MAP3K21: variants seen among roughly 807,000 people sequenced by gnomAD.
The protein encoded by MAP3K21 is mitogen-activated protein kinase kinase kinase 21, also known as mitogen-activated protein kinase kinase kinase MLK4.
Under a neutral mutation model 86.1 loss-of-function variants are expected in MAP3K21, and 63 were observed. That is an observed-to-expected ratio of 0.73 (90% CI 0.60 to 0.90). The LOEUF is 0.90. Ranked by LOEUF, MAP3K21 falls within the 40% of genes least tolerant of loss-of-function variation. The pLI is 0.00. For missense variants in MAP3K21, 1,220 were observed against 1,367.7 expected, an observed-to-expected ratio of 0.89 and a Z score of 1.70; for synonymous variants, 558 against 564.8, an observed-to-expected ratio of 0.99 and a Z score of 0.17.
At chr1:233,352,252 A>T (rs934329347) in intron 2 of MAP3K21, among the ~76,000 whole-genome samples, 1 of 152,182 alleles carries the variant, frequency 6.6e-6, no homozygotes, top group South Asian at 2.1e-4. Flanking sequence ...TCCAATACAT[A>T]CAATGTGTGG....
chr1:233,339,401 C>CCTTCTTCTTCTCCTTCTT (rs1662990969), intron 1 of MAP3K21, among the ~76,000 whole-genome samples: 4 of 53,184 alleles, frequency 7.5e-5, no homozygotes, highest in African/African-American at 9.6e-5. Flanking sequence ...TCCTCCTTCT[C>CCTTCTTCTTCTCCTTCTT]CTCCTCCTCC....
chr1:233,339,392 C>T (rs376641900), intron 1 of MAP3K21, among the ~76,000 whole-genome samples: 10 of 76,800 alleles, frequency 1.3e-4, no homozygotes, highest in Admixed American at 5.7e-4. Flanking sequence ...TCCTTCTTCT[C>T]CTCCTTCTCC....
In MAP3K21 at chr1:233,359,761, C is replaced by A. The variant is rs556436366; in HGVS notation, c.1312-2292C>A. ...CCAGAGTGGCCTGTGCCAAGCAATT[C>A]AACAAATATTACTGCTAGTAATCTC... is the stretch of plus-strand genomic sequence containing the variant. On this transcript the variant is annotated intron_variant, in intron 4 of 9. Coordinates refer to ENST00000366624, the MANE Select transcript of MAP3K21 (RefSeq NM_032435.3). 5.4e-4 allele frequency among the ~76,000 whole-genome samples: 82 copies of A among 152,336 alleles called. No homozygotes were observed. The South Asian group carries it at 0.016, about 30-fold the overall frequency.
At chr1:233,358,059 GTT>G (rs528923468) in intron 4 of MAP3K21, among the ~76,000 whole-genome samples, 2 of 146,144 alleles carry the variant, frequency 1.4e-5, no homozygotes, top group African/African-American at 2.5e-5. Flanking sequence ...TGCCTGATGG[GTT>G]TTTTTTTTTT....
intron 1 of MAP3K21, among the ~76,000 whole-genome samples, chr1:233,330,624 G>A (rs966856073): frequency 5.3e-5 from 8 of 152,170 alleles, no homozygotes; most frequent in Admixed American, 5.2e-4. Flanking sequence ...CCTGCCTCTT[G>A]GCAGTTGCAG....
intron 5 of MAP3K21, among the ~76,000 whole-genome samples, chr1:233,368,715 C>T (rs774325944): frequency 1.2e-4 from 18 of 151,972 alleles, no homozygotes; most frequent in Non-Finnish European, 1.9e-4. Context: ...CTTTCCTTTC[C>T]GTTTGGTTTG....
At chr1:233,351,077 T>C (rs1475111686) in intron 2 of MAP3K21, among the ~76,000 whole-genome samples, 1 of 147,442 alleles carries the variant, frequency 6.8e-6, no homozygotes, top group Non-Finnish European at 1.5e-5. Context: ...TCTTTGAATT[T>C]AGACAATTTT....
chr1:233,369,995 G>A (rs539607991), intron 5 of MAP3K21, among the ~76,000 whole-genome samples: 1 of 152,240 alleles, frequency 6.6e-6, no homozygotes, highest in Non-Finnish European at 1.5e-5. Flanking sequence ...GCCTTTGAAG[G>A]ATTTTAAGCA....
intron 1 of MAP3K21, among the ~76,000 whole-genome samples, chr1:233,331,969 A>G (rs1462932988): frequency 6.6e-6 from 1 of 152,242 alleles, no homozygotes; most frequent in Non-Finnish European, 1.5e-5. Flanking sequence ...TCTGGATGCA[A>G]AATAAGTAGA....
In MAP3K21 at chr1:233,328,758, A is replaced by T; in HGVS notation, c.730A>T (p.Ile244Leu). 2 of 1,532,578 alleles carry T rather than the reference A, an allele frequency of 1.3e-6. No homozygotes were observed. Among genetic ancestry groups the T allele is most frequent in the South Asian group, 1.2e-5 (1 of 83,368 alleles). 94.9% of individuals were successfully genotyped at this position (1,532,578 alleles called of 1,614,324 possible). ...CGTGCTGGTCAACTGGGCCGTGCAG[A>T]TAGCGCGGGGCATGCTCTACCTGCA... ...PHVLVNWAVQ[I>L]ARGMLYLHEE... The change falls in exon 1 of 10, where the codon ATA becomes TTA. Residue 244 changes from isoleucine (I) to leucine (L), a missense_variant. Ile to Leu is a conservative substitution (Grantham distance 5). Transcript: ENST00000366624. The surrounding 1 kb of genome is among the most constrained non-coding windows in gnomAD (Gnocchi z 8.7).
chr1:233,332,970 T>C (rs368191811), intron 1 of MAP3K21, among the ~76,000 whole-genome samples: 73 of 144,438 alleles, frequency 5.1e-4, no homozygotes, highest in African/African-American at 1.7e-3. Context: ...CTTTTAGGAA[T>C]AATTATTATC....
intron 1 of MAP3K21, among the ~76,000 whole-genome samples, chr1:233,333,553 A>G (rs1308879829): frequency 6.6e-6 from 1 of 152,036 alleles, no homozygotes; most frequent in Admixed American, 6.6e-5. Context: ...GTTTGAGACC[A>G]GCTTGGGGAA....
At chr1:233,370,685 C>T (rs779043299) in intron 5 of MAP3K21, among the ~76,000 whole-genome samples, 1 of 152,064 alleles carries the variant, frequency 6.6e-6, no homozygotes, top group Non-Finnish European at 1.5e-5. Context: ...ACTCATTAAT[C>T]GTTGAGGAAT....
rs1662742672 is a variant in MAP3K21 at position 233,328,534 on chromosome 1, G to A, written c.506G>A (p.Arg169Gln). 6.5e-7 allele frequency: 1 copy of A among 1,532,696 alleles called. No homozygotes were observed. The highest frequency in any genetic ancestry group is 8.7e-7 in the Non-Finnish European group (1 of 1,150,736). The allele number at this position is 1,532,696 out of a possible 1,614,324, so 94.9% of individuals were successfully genotyped here. ...QDAAAAAESVRREARLFAMLR... is the reference protein window; with the variant it reads ...QDAAAAAESVQREARLFAMLR... ...GCGGCGGCGGCTGCCGAGAGCGTGCGGCGCGAGGCTCGGCTCTTCGCCATG... is the reference window on the plus strand; with the variant it reads ...GCGGCGGCGGCTGCCGAGAGCGTGCAGCGCGAGGCTCGGCTCTTCGCCATG... Residue 169 changes from arginine (R) to glutamine (Q), a missense_variant, in exon 1 of 10, where the codon CGG becomes CAG. Arg to Gln is a conservative substitution (Grantham distance 43). Transcript: ENST00000366624. The surrounding 1 kb of genome is among the most constrained non-coding windows in gnomAD (Gnocchi z 8.7).
intron 1 of MAP3K21, among the ~76,000 whole-genome samples, chr1:233,339,184 T>A (rs1662969194): frequency 2.0e-5 from 3 of 152,156 alleles, no homozygotes; most frequent in African/African-American, 7.2e-5. Context: ...CAATTATTTT[T>A]AAAACAATCA....
In MAP3K21 at chr1:233,328,128, G is replaced by T; in HGVS notation, c.100G>T (p.Gly34Cys). 7.1e-7 allele frequency: 1 copy of T among 1,412,508 alleles called. No individual in the cohort carries two copies. 87.5% of individuals were successfully genotyped at this position (1,412,508 alleles called of 1,614,324 possible). A position where few individuals can be genotyped will look rare whatever the true frequency, so the allele number is the denominator to read the frequency against. The change falls in exon 1 of 10, where the codon GGC (glycine) becomes TGC (cysteine). Residue 34 changes from glycine (G) to cysteine (C), a missense_variant. Coordinates refer to ENST00000366624, the MANE Select transcript of MAP3K21 (RefSeq NM_032435.3). The surrounding 1 kb of genome is among the most constrained non-coding windows in gnomAD (Gnocchi z 8.7). ...SASSSSTSSGGSASAGAGLWA... is the reference protein window; with the variant it reads ...SASSSSTSSGCSASAGAGLWA... Reference sequence around the variant, plus strand: ...GTCCTCGTCGTCCACCTCCTCGGGCGGCTCGGCCTCGGCGGGCGCGGGGCT... The same window carrying T: ...GTCCTCGTCGTCCACCTCCTCGGGCTGCTCGGCCTCGGCGGGCGCGGGGCT...
At position 233,328,483 on chromosome 1, in the gene MAP3K21, C is replaced by T. The variant is rs1662740103; in HGVS notation, c.455C>T (p.Ala152Val). The T allele has an allele frequency of 1.3e-6, 2 of 1,508,118 alleles. No individual in the cohort carries two copies. The highest frequency in any genetic ancestry group is 2.1e-5 in the Admixed American group (1 of 47,672). The allele number at this position is 1,508,118 out of a possible 1,614,324, so 93.4% of individuals were successfully genotyped here. A position where few individuals can be genotyped will look rare whatever the true frequency, so the allele number is the denominator to read the frequency against. The change falls in exon 1 of 10, where the codon GCG becomes GTG. Residue 152 changes from alanine (A) to valine (V), a missense_variant. Physicochemically the swap from Ala to Val is moderately conservative, Grantham distance 64. This residue lies in a region of MAP3K21 where 369 missense variants were observed against 385.3 expected (regional missense o/e 0.96). Coordinates refer to ENST00000366624, the MANE Select transcript of MAP3K21 (RefSeq NM_032435.3). This position sits in a 1 kb window ranked among gnomAD's most constrained non-coding sequence, Gnocchi z 8.7. Reference sequence around the variant, plus strand: ...CAGGGCCAGGAGGTGGCCGTGAAGGCGGCGCGCCAGGACCCGGAGCAGGAC... The same window carrying T: ...CAGGGCCAGGAGGTGGCCGTGAAGGTGGCGCGCCAGGACCCGGAGCAGGAC... ...TWQGQEVAVKAARQDPEQDAA... is the reference protein window; with the variant it reads ...TWQGQEVAVKVARQDPEQDAA...
chr1:233,374,148 G>A (rs556708348), intron 6 of MAP3K21: 1 of 151,830 alleles, frequency 6.6e-6, no homozygotes, highest in Admixed American at 6.6e-5. Flanking sequence ...ATTCAAGATT[G>A]TTACACATGC....
chr1:233,347,312 A>G (rs796287493), intron 2 of MAP3K21, among the ~76,000 whole-genome samples: 9 of 152,316 alleles, frequency 5.9e-5, no homozygotes, highest in African/African-American at 1.9e-4. Context: ...GCATCATCTA[A>G]AGATTAAAGT....
Sources: allele counts gnomAD v4.1 joint callset (sites outside exome capture counted in the v4.1 genomes callset), GRCh38; gene constraint gnomAD v4.1.1; regional missense constraint gnomAD v4.1.1; non-coding constraint Gnocchi (gnomAD v3.1); transcripts MANE v1.5; gene names NCBI Gene and HGNC (gene_info 2026-07-23, HGNC 2026-07-21).